Variants in NR3C1 observed in about 807,000 individuals in gnomAD.
The protein encoded by NR3C1 is nuclear receptor subfamily 3 group C member 1.
NR3C1 carries 14 observed loss-of-function variants against 74.0 expected under a neutral mutation model. The observed-to-expected ratio is 0.19, with a 90% CI of 0.12 to 0.30. The LOEUF (loss-of-function observed/expected upper bound fraction) is 0.30, where lower values mean the gene tolerates loss of function less well. Ranked by LOEUF, NR3C1 falls within the 10% of genes least tolerant of loss-of-function variation. NR3C1 has a pLI of 1.00. For missense variants in NR3C1, 695 were observed against 909.8 expected (o/e 0.76, Z 3.04); for synonymous variants, 308 against 332.5 (o/e 0.93, Z 0.80).
At chr5:143,339,291 G>A (rs1350683226) in intron 2 of NR3C1, among the ~76,000 whole-genome samples, 1 of 152,140 alleles carries the variant, frequency 6.6e-6, no homozygotes, top group Non-Finnish European at 1.5e-5. Flanking sequence ...CAGATAGCAT[G>A]ACCTCCCCTA....
intron 1 of NR3C1, among the ~76,000 whole-genome samples, chr5:143,419,133 A>G (rs573282590): frequency 1.3e-5 from 2 of 152,294 alleles, no homozygotes; most frequent in South Asian, 4.1e-4. Flanking sequence ...CTCTACCTGT[A>G]TGTATTCTGC....
intron 2 of NR3C1, chr5:143,333,081 C>T: frequency 6.3e-7 from 1 of 1,594,802 alleles, no homozygotes. Context: ...AATTGCCTTC[C>T]CAGGGAAGCA....
chr5:143,327,314 C>A (rs1477756307), intron 2 of NR3C1, among the ~76,000 whole-genome samples: 1 of 152,146 alleles, frequency 6.6e-6, no homozygotes, highest in Non-Finnish European at 1.5e-5. Flanking sequence ...GGAAAAAACC[C>A]CCCCATGATC....
At chr5:143,352,276 TAAG>T (rs980296931) in intron 2 of NR3C1, among the ~76,000 whole-genome samples, 6 of 152,176 alleles carry the variant, frequency 3.9e-5, no homozygotes, top group African/African-American at 1.2e-4. Context: ...GGATTGATCA[TAAG>T]AAGATTACTG....
At chr5:143,298,024 G>C (rs1418289474) in intron 6 of NR3C1, among the ~76,000 whole-genome samples, 1 of 152,154 alleles carries the variant, frequency 6.6e-6, no homozygotes, top group Non-Finnish European at 1.5e-5. Context: ...CCAACATGAT[G>C]AACGTTACAC....
At chr5:143,298,027 C>T (rs1292428806) in intron 6 of NR3C1, among the ~76,000 whole-genome samples, 1 of 151,994 alleles carries the variant, frequency 6.6e-6, no homozygotes, top group Non-Finnish European at 1.5e-5. Flanking sequence ...ACATGATGAA[C>T]GTTACACTGG....
In NR3C1 at chr5:143,400,296, T is replaced by G; in HGVS notation, c.544A>C (p.Lys182Gln). Residue 182 changes from lysine to glutamine, a missense_variant, in exon 2 of 9, where the codon AAA becomes CAA. Lys to Gln is a moderately conservative substitution (Grantham distance 53, BLOSUM62 1). This residue lies in a region of NR3C1 where 497 missense variants were observed against 489.5 expected (regional missense o/e 1.02). Transcript: ENST00000394464. The stretch of plus-strand genomic sequence containing the variant: ...GTGCTTTGGTCTGTGGTATACAATT[T>G]CACATTGCCACCGTTGGTGCCAGTC... ...GQTGTNGGNV[K>Q]LYTTDQSTFD... 1 of 1,608,524 alleles carries G rather than the reference T, an allele frequency of 6.2e-7. No individual in the cohort carries two copies. Among genetic ancestry groups the G allele is most frequent in the South Asian group, 1.1e-5 (1 of 90,586 alleles).
rs143594606 is a variant in NR3C1, at chr5:143,299,642, C to T, written c.1748-830G>A. Among the ~76,000 whole-genome samples, 1,522 of 152,256 alleles carry T rather than the reference C, an allele frequency of 1.0e-2. 20 individuals are homozygous for T. Among genetic ancestry groups the T allele is most frequent in the African/African-American group, 0.035 (1,437 of 41,534 alleles). Reference sequence around the variant, plus strand: ...AACAAATGTTTGAGGTGATGGATATCCCAGTTACTCTGATTTGATCCTTAC... The same window carrying T: ...AACAAATGTTTGAGGTGATGGATATTCCAGTTACTCTGATTTGATCCTTAC... On this transcript the variant is annotated intron_variant, in intron 5 of 8. Coordinates refer to ENST00000394464, the MANE Select transcript of NR3C1 (RefSeq NM_000176.3).
In NR3C1 at chr5:143,279,559, AGAGC is replaced by A; in HGVS notation, c.*2326_*2329del. The A allele has an allele frequency of 1.7e-6, 1 of 603,948 alleles. No homozygotes were observed. The highest frequency in any genetic ancestry group is 2.5e-6 in the Non-Finnish European group (1 of 400,238). The allele number at this position is 603,948 out of a possible 1,614,324, so 37.4% of individuals were successfully genotyped here. ...CTTAAAATATTACATTCCCTTTTAGAGAGCATTCAAAAAGCAAATGATTGTTTTT... is the reference window on the plus strand; with the variant it reads ...CTTAAAATATTACATTCCCTTTTAGAATTCAAAAAGCAAATGATTGTTTTT... On this transcript the variant is annotated 3_prime_UTR_variant, in exon 9 of 9. Coordinates refer to ENST00000394464, the MANE Select transcript of NR3C1 (RefSeq NM_000176.3).
chr5:143,340,357 G>T (rs1344507394), intron 2 of NR3C1, among the ~76,000 whole-genome samples: 2 of 147,464 alleles, frequency 1.4e-5, no homozygotes, highest in African/African-American at 5.0e-5. Flanking sequence ...GGCTTTTTTT[G>T]TGTGTGTATA....
At chr5:143,298,576 C>A (rs1561501741) in intron 6 of NR3C1, 92 bp downstream of exon 6, 3 of 1,386,964 alleles carry the variant, frequency 2.2e-6, no homozygotes, top group Admixed American at 3.4e-5. Context: ...TTGTTTCAGT[C>A]CTGAATTATC....
At chr5:143,301,840 T>C (rs1156863984) in intron 4 of NR3C1, among the ~76,000 whole-genome samples, 1 of 152,088 alleles carries the variant, frequency 6.6e-6, no homozygotes, top group Non-Finnish European at 1.5e-5. Flanking sequence ...CCATATAGTC[T>C]ATGGAGGACA....
chr5:143,432,153 C>T (rs575345410), intron 1 of NR3C1, among the ~76,000 whole-genome samples: 24 of 152,342 alleles, frequency 1.6e-4, no homozygotes, highest in Admixed American at 1.5e-3. Context: ...GGTGCATCTA[C>T]AGTGCCAGCC....
chr5:143,324,338 G>A (rs1824071663), intron 2 of NR3C1, among the ~76,000 whole-genome samples: 1 of 152,238 alleles, frequency 6.6e-6, no homozygotes. Context: ...TGTACCCACA[G>A]GCTCAGCACC....
intron 2 of NR3C1, among the ~76,000 whole-genome samples, chr5:143,364,982 CAGG>C (rs1161843968): frequency 6.6e-6 from 1 of 152,170 alleles, no homozygotes; most frequent in Non-Finnish European, 1.5e-5. Context: ...GCTGGGATTA[CAGG>C]CATGAGCCAC....
At chr5:143,413,308 A>G (rs1031463354) in intron 1 of NR3C1, among the ~76,000 whole-genome samples, 1 of 152,228 alleles carries the variant, frequency 6.6e-6, no homozygotes, top group Admixed American at 6.5e-5. Context: ...TGAATTATGA[A>G]GGGTTTTCTT....
intron 4 of NR3C1, among the ~76,000 whole-genome samples, chr5:143,304,438 T>C (rs1241778668): frequency 6.6e-6 from 1 of 152,158 alleles, no homozygotes; most frequent in African/African-American, 2.4e-5. Flanking sequence ...TAACATTCCA[T>C]GCTCATGGAC....
At chr5:143,413,007 G>GAATTCCTTCAACAAAATAC (rs1841347677) in intron 1 of NR3C1, among the ~76,000 whole-genome samples, 2 of 152,148 alleles carry the variant, frequency 1.3e-5, no homozygotes, top group South Asian at 2.1e-4. Context: ...CAACAAAAGA[G>GAATTCCTTCAACAAAATAC]AATTCCTTCA....
At chr5:143,412,979 T>G (rs1417052454) in intron 1 of NR3C1, among the ~76,000 whole-genome samples, 1 of 152,216 alleles carries the variant, frequency 6.6e-6, no homozygotes, top group East Asian at 1.9e-4. Flanking sequence ...TAATTAATAT[T>G]CTCTCCATTC....
Sources: gnomAD v4.1 joint callset for allele counts (sites outside exome capture counted in the v4.1 genomes callset) on GRCh38, gnomAD v4.1.1 for gene constraint, gnomAD v4.1.1 regional missense constraint, MANE v1.5 for transcripts, NCBI Gene and HGNC (gene_info 2026-07-23, HGNC 2026-07-21) for gene names.